NEU3: variants seen among roughly 807,000 people sequenced by gnomAD.
NEU3 encodes sialidase-3.
In NEU3, 10 loss-of-function variants were observed where a neutral mutation model predicts 11.4. The ratio of observed to expected loss-of-function variants is 0.88; its 90% CI spans 0.54 to 1.49. The LOEUF is 1.49. Ranked by LOEUF, NEU3 falls within the 40% of genes most tolerant of loss-of-function variation. The pLI, the probability that NEU3 is intolerant of heterozygous loss-of-function variation, is 0.00. For synonymous variants in NEU3, 212 were observed against 228.2 expected, an observed-to-expected ratio of 0.93 and a Z score of 0.64; for missense variants, 529 against 581.8, an observed-to-expected ratio of 0.91 and a Z score of 0.93.
upstream of NEU3, among the ~76,000 whole-genome samples, chr11:74,984,627 C>T (rs189985194): frequency 6.6e-5 from 10 of 152,298 alleles, no homozygotes; most frequent in South Asian, 2.1e-4. Flanking sequence ...GAAGTTCCCC[C>T]GATATTCCTG....
At position 75,005,590 on chromosome 11, in the gene NEU3, A is replaced by C; in HGVS notation, c.484A>C (p.Ile162Leu). ...CAGGAATGCTGCCCGCCTTTGCTTC[A>C]TCTACAGTCAGGATGCTGGATGTTC... ...SGRNAARLCFIYSQDAGCSWS... is the reference protein window; with the variant it reads ...SGRNAARLCFLYSQDAGCSWS... Residue 162 changes from isoleucine to leucine, a missense_variant, in exon 3 of 3, where the codon ATC (isoleucine) becomes CTC (leucine). Ile to Leu is a conservative substitution (Grantham distance 5). Transcript: ENST00000294064. 1.2e-6 allele frequency: 2 copies of C among 1,613,988 alleles called. No individual in the cohort carries two copies. The highest frequency in any genetic ancestry group is 1.3e-5 in the African/African-American group (1 of 75,042).
rs144642169 is a variant in NEU3, at chr11:75,005,692, C to G, written c.586C>G (p.Pro196Ala). ...LKHWATFAVG[P>A]GHGIQLQSGR... is the part of the protein sequence containing the mutation. The stretch of plus-strand genomic sequence containing the variant: ...GCACTGGGCCACATTTGCTGTGGGC[C>G]CAGGTCATGGCATCCAGCTGCAGTC... The change falls in exon 3 of 3, where the codon CCA becomes GCA. Residue 196 changes from proline (P) to alanine (A), a missense_variant. Physicochemically the swap from Pro to Ala is conservative, Grantham distance 27. Transcript: ENST00000294064. The G allele has an allele frequency of 1.5e-4, 249 of 1,613,948 alleles. No individual in the cohort carries two copies. The East Asian group carries it at 5.1e-3, about 33-fold the overall frequency.
At chr11:74,998,815 TC>T (rs1426475554) in intron 2 of NEU3, among the ~76,000 whole-genome samples, 2 of 152,208 alleles carry the variant, frequency 1.3e-5, no homozygotes, top group African/African-American at 4.8e-5. Flanking sequence ...TCTCATGGCC[TC>T]CCAGGACCAG....
At chr11:75,011,698 C>A (rs1037271139), downstream of NEU3, among the ~76,000 whole-genome samples, 7 of 151,838 alleles carry the variant, frequency 4.6e-5, no homozygotes, top group African/African-American at 1.7e-4. Context: ...CTTAAGCTAG[C>A]TTGAATTAGA....
intron 2 of NEU3, among the ~76,000 whole-genome samples, chr11:75,003,321 G>A (rs1948865082): frequency 6.6e-6 from 1 of 152,232 alleles, no homozygotes; most frequent in African/African-American, 2.4e-5. Context: ...ACTTCTTTGA[G>A]AATTAGTAGG....
intron 2 of NEU3, among the ~76,000 whole-genome samples, chr11:74,996,087 A>G (rs1948787935): frequency 6.6e-6 from 1 of 152,098 alleles, no homozygotes; most frequent in Non-Finnish European, 1.5e-5. Context: ...CCAGAAGTTC[A>G]AGGCTCCAGT....
At chr11:74,985,173 A>G (rs774245377), upstream of NEU3, among the ~76,000 whole-genome samples, 1 of 152,204 alleles carries the variant, frequency 6.6e-6, no homozygotes, top group Non-Finnish European at 1.5e-5. Context: ...GAGAAGTCTG[A>G]TAAAGAACCC....
chr11:74,988,731 C>T (rs554508741), upstream of NEU3: 63 of 385,780 alleles, frequency 1.6e-4, no homozygotes, highest in South Asian at 9.9e-4. Context: ...CTGAGGTGGG[C>T]CCAGGGCTTG....
At chr11:74,984,724 G>A (rs1438155290), upstream of NEU3, among the ~76,000 whole-genome samples, 3 of 152,088 alleles carry the variant, frequency 2.0e-5, no homozygotes, top group Admixed American at 2.0e-4. Context: ...GCTAATACGG[G>A]TGCCAGGCCT....
At position 75,009,542 on chromosome 11, in the gene NEU3, G is replaced by C. The variant is rs886348028; in HGVS notation, c.*3050G>C. The stretch of plus-strand genomic sequence containing the variant: ...AGATTGATAGGATGGAAAAGACAGG[G>C]CAGGTGGTAGCAGCTGTGAAGAAAA... On this transcript the variant is annotated 3_prime_UTR_variant, in exon 3 of 3. Transcript: ENST00000294064. 6.6e-6 allele frequency: 1 copy of C among 152,492 alleles called. No homozygotes were observed. 9.4% of individuals were successfully genotyped at this position (152,492 alleles called of 1,614,324 possible).
upstream of NEU3, among the ~76,000 whole-genome samples, chr11:74,985,344 T>C (rs1287620560): frequency 6.6e-6 from 1 of 152,238 alleles, no homozygotes; most frequent in East Asian, 1.9e-4. Flanking sequence ...CTTCCTGCAC[T>C]TTCAGAAGTT....
At chr11:74,998,091 G>A (rs771763492) in intron 2 of NEU3, among the ~76,000 whole-genome samples, 16 of 152,190 alleles carry the variant, frequency 1.1e-4, no homozygotes, top group South Asian at 2.1e-4. Context: ...TCAGGGAATA[G>A]GCTGAAGGAA....
upstream of NEU3, among the ~76,000 whole-genome samples, chr11:74,985,566 C>T (rs980060783): frequency 7.2e-6 from 1 of 139,674 alleles, no homozygotes; most frequent in Non-Finnish European, 1.6e-5. Context: ...GAGAGTCTCC[C>T]AAACAACCCC....
At chr11:75,018,130 G>A (rs773453642) in intron 3 of NEU3, among the ~76,000 whole-genome samples, 21 of 151,018 alleles carry the variant, frequency 1.4e-4, no homozygotes, top group Non-Finnish European at 2.5e-4. Context: ...ACTAAATTCT[G>A]AGCCTACTTT....
rs1224310617 is a variant in NEU3, at chr11:75,005,810, T to C, written c.704T>C (p.Met235Thr). The C allele has an allele frequency of 2.5e-6, 4 of 1,613,986 alleles. No individual in the cohort carries two copies. Among genetic ancestry groups the C allele is most frequent in the Non-Finnish European group, 1.7e-6 (2 of 1,179,864 alleles). ...TGTAAAACCAGGCCTCATTCTCTGATGATCTACAGTGATGACCTAGGGGTC... is the reference window on the plus strand; with the variant it reads ...TGTAAAACCAGGCCTCATTCTCTGACGATCTACAGTGATGACCTAGGGGTC... ...LPCKTRPHSL[M>T]IYSDDLGVTW... Residue 235 changes from methionine to threonine, a missense_variant, in exon 3 of 3, where the codon ATG (methionine) becomes ACG (threonine). By Grantham distance (81) the Met-to-Thr change is moderately conservative. Transcript: ENST00000294064.
Position 75,005,455 on chromosome 11 carries a change from C to A in NEU3, c.349C>A (p.His117Asn). 6.2e-7 allele frequency: 1 copy of A among 1,613,618 alleles called. No individual in the cohort carries two copies. The highest frequency in any genetic ancestry group is 8.5e-7 in the Non-Finnish European group (1 of 1,179,668). The change falls in exon 3 of 3, where the codon CAT (histidine) becomes AAT (asparagine). Residue 117 changes from histidine (H) to asparagine (N), a missense_variant. Transcript: ENST00000294064. ...KPLMEATLPG[H>N]RTMNPCPVWE... ...ACTGATGGAAGCCACACTACCGGGG[C>A]ATCGGACCATGAACCCCTGTCCTGT...
chr11:74,988,980 C>G lies in NEU3; in HGVS notation c.-81C>G, dbSNP rs1418865536. ...CGGGGCTTGTCTCCGTGTCCTCCGT[C>G]TCAGTTGTTTCTCCCTCTCTATCCT... On this transcript the variant is annotated 5_prime_UTR_variant, in exon 1 of 3. Transcript: ENST00000294064. 3 of 1,062,146 alleles carry G rather than the reference C, an allele frequency of 2.8e-6. No homozygotes were observed. Among genetic ancestry groups the G allele is most frequent in the South Asian group, 1.4e-5 (1 of 72,112 alleles). 65.8% of individuals were successfully genotyped at this position (1,062,146 alleles called of 1,614,324 possible). A position where few individuals can be genotyped will look rare whatever the true frequency, so the allele number is the denominator to read the frequency against.
upstream of NEU3, among the ~76,000 whole-genome samples, chr11:74,987,793 G>C (rs1366398922): frequency 6.6e-6 from 1 of 151,532 alleles, no homozygotes; most frequent in Non-Finnish European, 1.5e-5. Flanking sequence ...AGCCTGGGCG[G>C]CAGAGACACA....
rs1948933213 is a variant in NEU3, at chr11:75,009,383, A to G, written c.*2891A>G. 6.6e-6 allele frequency: 1 copy of G among 152,240 alleles called. No individual in the cohort carries two copies. The highest frequency in any genetic ancestry group is 6.5e-5 in the Admixed American group (1 of 15,288). 9.4% of individuals were successfully genotyped at this position (152,240 alleles called of 1,614,324 possible). On this transcript the variant is annotated 3_prime_UTR_variant, in exon 3 of 3. Transcript: ENST00000294064. Reference sequence around the variant, plus strand: ...AACACTGCAACTTTAAGCTGGCTTAACTTGTCCAAGTTCCAGATGACCAAC... The same window carrying G: ...AACACTGCAACTTTAAGCTGGCTTAGCTTGTCCAAGTTCCAGATGACCAAC...
Sources: gnomAD v4.1 joint callset for allele counts (sites outside exome capture counted in the v4.1 genomes callset) on GRCh38, gnomAD v4.1.1 for gene constraint, MANE v1.5 for transcripts, NCBI Gene and HGNC (gene_info 2026-07-23, HGNC 2026-07-21) for gene names.